Variants in NCK2 observed in about 807,000 individuals in gnomAD.
NCK2 encodes the protein cytoplasmic protein NCK2.
A neutral mutation model predicts 33.9 loss-of-function variants in NCK2; 16 were observed. That is an observed-to-expected ratio of 0.47 (90% CI 0.32 to 0.72). The LOEUF is 0.72. Among genes scored for constraint, NCK2 ranks in the 30% least tolerant of loss-of-function variants. The probability of loss-of-function intolerance (pLI) is 0.03; values close to 1 mark genes in which losing one functional copy is unlikely to be tolerated. For missense variants in NCK2, 418 were observed against 537.3 expected (o/e 0.78, Z 2.19); for synonymous variants, 273 against 239.9 (o/e 1.14, Z -1.27).
chr2:105,893,093 G>C lies in NCK2; in HGVS notation c.1060G>C (p.Glu354Gln). ...GCAGCGGCGCTTCCACACCATGGAC[G>C]AGCTGGTGGAACACTACAAAAAGGC... ...IGQRRFHTMDELVEHYKKAPI... is the reference protein window; with the variant it reads ...IGQRRFHTMDQLVEHYKKAPI... The change falls in exon 5 of 5, where the codon GAG (glutamate) becomes CAG (glutamine). Residue 354 changes from glutamate to glutamine, a missense_variant. Transcript: ENST00000233154. 1.2e-6 allele frequency: 2 copies of C among 1,613,974 alleles called. No homozygotes were observed. Among genetic ancestry groups the C allele is most frequent in the Non-Finnish European group, 1.7e-6 (2 of 1,179,946 alleles).
At chr2:105,849,256 C>T (rs994160497) in intron 2 of NCK2, among the ~76,000 whole-genome samples, 3 of 152,106 alleles carry the variant, frequency 2.0e-5, no homozygotes, top group Admixed American at 6.5e-5. Flanking sequence ...TAGCAGGGCG[C>T]GGTGGTGCAC....
At chr2:105,762,297 G>C (rs867150026) in intron 1 of NCK2, among the ~76,000 whole-genome samples, 4 of 146,512 alleles carry the variant, frequency 2.7e-5, no homozygotes, top group East Asian at 1.9e-4. Context: ...ATCAAACCAG[G>C]GGGGGTCTAG....
At chr2:105,873,859 C>T (rs554372745) in intron 3 of NCK2, among the ~76,000 whole-genome samples, 1 of 152,164 alleles carries the variant, frequency 6.6e-6, no homozygotes, top group African/African-American at 2.4e-5. Context: ...ACCTCTGCAG[C>T]GTGGGCAGAT....
chr2:105,787,251 A>G (rs1690711072), intron 1 of NCK2, among the ~76,000 whole-genome samples: 2 of 152,208 alleles, frequency 1.3e-5, no homozygotes. Flanking sequence ...CAGCTCTGAC[A>G]TGGTCATATC....
At chr2:105,843,529 A>G (rs894060502) in intron 2 of NCK2, among the ~76,000 whole-genome samples, 1 of 152,200 alleles carries the variant, frequency 6.6e-6, no homozygotes, top group Admixed American at 6.5e-5. Flanking sequence ...AAAATATGCA[A>G]GAAAAGCCCA....
At chr2:105,883,062 C>G (rs1248610255) in intron 4 of NCK2, among the ~76,000 whole-genome samples, 1 of 147,452 alleles carries the variant, frequency 6.8e-6, no homozygotes, top group Non-Finnish European at 1.5e-5. Context: ...GATGTGCTCT[C>G]TTTGAGGACG....
intron 3 of NCK2, among the ~76,000 whole-genome samples, chr2:105,879,255 G>T (rs1176335819): frequency 6.6e-6 from 1 of 152,224 alleles, no homozygotes; most frequent in Non-Finnish European, 1.5e-5. Context: ...GTTGGCCTCA[G>T]CGTAGCCCTC....
intron 4 of NCK2, among the ~76,000 whole-genome samples, chr2:105,887,376 A>G (rs549212494): frequency 3.3e-4 from 50 of 152,360 alleles, no homozygotes; most frequent in African/African-American, 1.1e-3. Context: ...ACAACTTGTG[A>G]TAAGAAACCA....
At chr2:105,860,557 T>G (rs1166248407) in intron 3 of NCK2, among the ~76,000 whole-genome samples, 2 of 151,964 alleles carry the variant, frequency 1.3e-5, no homozygotes, top group African/African-American at 2.4e-5. Flanking sequence ...GAGCATGTAG[T>G]CAGAACCGCA....
In NCK2 at chr2:105,880,880, C is replaced by T. The variant is rs542162750; in HGVS notation, c.227-448C>T. On this transcript the variant is annotated intron_variant, in intron 3 of 4. Transcript: ENST00000233154. Reference sequence around the variant, plus strand: ...AGTCTCAACTCTGGCTCAAGCCATCCTCCCACCTCAGCCTCTCCAGTAGCT... The same window carrying T: ...AGTCTCAACTCTGGCTCAAGCCATCTTCCCACCTCAGCCTCTCCAGTAGCT... Among the ~76,000 whole-genome samples the T allele has an allele frequency of 2.6e-5, 4 of 151,398 alleles. No individual in the cohort carries two copies. In the East Asian group the frequency reaches 7.8e-4, roughly 30 times the overall value.
intron 1 of NCK2, among the ~76,000 whole-genome samples, chr2:105,752,687 T>C (rs1228629160): frequency 6.6e-6 from 1 of 152,180 alleles, no homozygotes; most frequent in Admixed American, 6.5e-5. Context: ...CATCCACCCC[T>C]TCCTACCCCA....
intron 4 of NCK2, among the ~76,000 whole-genome samples, chr2:105,885,308 T>G (rs555762146): frequency 6.6e-6 from 1 of 152,360 alleles, no homozygotes; most frequent in Admixed American, 6.5e-5. Context: ...ACAGTACTTT[T>G]TTTTCCAGTA....
chr2:105,766,415 C>T (rs1038743539), intron 1 of NCK2, among the ~76,000 whole-genome samples: 2 of 152,206 alleles, frequency 1.3e-5, no homozygotes, highest in Admixed American at 6.5e-5. Flanking sequence ...CCTCGACCTC[C>T]TGAGCTCAAG....
intron 1 of NCK2, among the ~76,000 whole-genome samples, chr2:105,800,186 C>T (rs1246618591): frequency 1.3e-5 from 2 of 152,196 alleles, no homozygotes; most frequent in Non-Finnish European, 1.5e-5. Flanking sequence ...GTCTCCGGCA[C>T]GGGGGCCACA....
intron 2 of NCK2, among the ~76,000 whole-genome samples, chr2:105,826,633 G>T (rs1370121542): frequency 6.6e-6 from 1 of 152,092 alleles, no homozygotes; most frequent in East Asian, 1.9e-4. Context: ...ATGGTAAAGG[G>T]CTCTGGATTT....
intron 2 of NCK2, among the ~76,000 whole-genome samples, chr2:105,831,966 G>A (rs1294042815): frequency 6.6e-6 from 1 of 152,128 alleles, no homozygotes; most frequent in Non-Finnish European, 1.5e-5. Flanking sequence ...CATTGAAAAT[G>A]TAGATTGCTT....
In NCK2 at chr2:105,881,586, C is replaced by T. The variant is rs1426494010; in HGVS notation, c.485C>T (p.Ser162Phe). Residue 162 changes from serine to phenylalanine, a missense_variant, in exon 4 of 5, where the codon TCC becomes TTC. Physicochemically the swap from Ser to Phe is radical, Grantham distance 155. Transcript: ENST00000233154. ...SYNGQIGWFP[S>F]NYVLEEVDEA... ...AACGGGCAGATCGGCTGGTTCCCCT[C>T]CAACTACGTCTTGGAGGAGGTGGAC... is the stretch of plus-strand genomic sequence containing the variant. The T allele has an allele frequency of 6.2e-7, 1 of 1,613,880 alleles. No individual in the cohort carries two copies. Among genetic ancestry groups the T allele is most frequent in the Non-Finnish European group, 8.5e-7 (1 of 1,180,018 alleles).
At chr2:105,776,707 G>A (rs565698865) in intron 1 of NCK2, among the ~76,000 whole-genome samples, 12 of 152,292 alleles carry the variant, frequency 7.9e-5, no homozygotes, top group Admixed American at 7.2e-4. Flanking sequence ...AGCCATCCCA[G>A]CAGGGCTGGA....
intron 2 of NCK2, among the ~76,000 whole-genome samples, chr2:105,824,981 G>A (rs895377382): frequency 2.6e-5 from 4 of 152,196 alleles, no homozygotes; most frequent in African/African-American, 9.7e-5. Flanking sequence ...CCCCCAAGCT[G>A]CAGGCAAGTG....
Sources: allele counts gnomAD v4.1 joint callset (sites outside exome capture counted in the v4.1 genomes callset), GRCh38; gene constraint gnomAD v4.1.1; transcripts MANE v1.5; gene names NCBI Gene and HGNC (gene_info 2026-07-23, HGNC 2026-07-21).